The following DPP6 variants were observed in gnomAD, a reference collection of about 807,000 sequenced individuals.
DPP6 encodes A-type potassium channel modulatory protein DPP6.
In DPP6, 69 loss-of-function variants were observed where a neutral mutation model predicts 122.6. The ratio of observed to expected loss-of-function variants is 0.56; its 90% confidence interval spans 0.46 to 0.69. The LOEUF is 0.69. Ranked by LOEUF, DPP6 falls within the 30% of genes least tolerant of loss-of-function variation. The pLI, the probability that DPP6 is intolerant of heterozygous loss-of-function variation, is 0.00. For missense variants in DPP6, 928 were observed against 1,116.9 expected, an observed-to-expected ratio of 0.83 and a Z score of 2.41; for synonymous variants, 418 against 433.1, an observed-to-expected ratio of 0.97 and a Z score of 0.43.
At chr7:154,595,018 T>C (rs768440916) in intron 5 of DPP6, among the ~76,000 whole-genome samples, 6 of 151,986 alleles carry the variant, frequency 3.9e-5, no homozygotes, top group Admixed American at 2.6e-4. Context: ...CATTGATTTT[T>C]TTTTTGGCAT....
In DPP6 at chr7:154,184,178, T is replaced by C. The variant is rs1422483000; in HGVS notation, c.243+131115T>C. On this transcript the variant is annotated intron_variant, in intron 1 of 25. Coordinates refer to ENST00000377770, the MANE Select transcript of DPP6 (RefSeq NM_130797.4). ...GACCCTCAGCATCAGGCAATGATTT[T>C]GAGTTGAGATAATGGTTAGTGTCTG... Among the ~76,000 whole-genome samples, 6 of 151,344 alleles carry C rather than the reference T, an allele frequency of 4.0e-5. No homozygotes were observed. The East Asian group carries it at 1.2e-3, about 29-fold the overall frequency.
chr7:153,938,673 T>C (rs1801567311), intron 1 of DPP6, among the ~76,000 whole-genome samples: 1 of 152,230 alleles, frequency 6.6e-6, no homozygotes, highest in African/African-American at 2.4e-5. Flanking sequence ...CTGACTTCTC[T>C]CACACGGCCT....
intron 10 of DPP6, among the ~76,000 whole-genome samples, chr7:154,777,209 C>G (rs1028714128): frequency 1.3e-5 from 2 of 152,164 alleles, no homozygotes; most frequent in African/African-American, 4.8e-5. Context: ...GAGGCCTGGA[C>G]AGCTTGTAGC....
At chr7:153,819,529 G>T in the DPP6 span, among the ~76,000 whole-genome samples, 3 of 152,178 alleles carry the variant, frequency 2.0e-5, no homozygotes, top group East Asian at 5.8e-4. Flanking sequence ...AGTTTGCATG[G>T]CACACACATC....
chr7:154,031,857 T>G (rs796676361), intron 1 of DPP6, among the ~76,000 whole-genome samples: 4 of 137,770 alleles, frequency 2.9e-5, no homozygotes, highest in South Asian at 4.5e-4. Context: ...TTTTCCTTTT[T>G]TTTGTTTTTT....
At chr7:154,279,665 G>T (rs890502061) in intron 1 of DPP6, among the ~76,000 whole-genome samples, 4 of 152,210 alleles carry the variant, frequency 2.6e-5, no homozygotes, top group African/African-American at 7.2e-5. Flanking sequence ...GTTGGAAAAG[G>T]GTGTTGATGT....
intron 1 of DPP6, chr7:154,095,369 G>A (rs1029186315): frequency 4.9e-5 from 7 of 141,758 alleles, no homozygotes; most frequent in African/African-American, 9.9e-5. Context: ...CTGTGACAAC[G>A]TCTCCACAGG....
rs1585676109 is a variant in DPP6, at chr7:154,225,747, C to CGA, written c.243+172684_243+172685insGA. On this transcript the variant is annotated intron_variant, in intron 1 of 25. Transcript: ENST00000377770. ...AGAACAGAGACATTTACTAACTTTT[C>CGA]TAAAGTTACTGGAGGCAGGATGTAA... Among the ~76,000 whole-genome samples the CGA allele has an allele frequency of 4.6e-5, 7 of 152,242 alleles. No homozygotes were observed. The East Asian group carries it at 1.4e-3, about 29-fold the overall frequency.
In DPP6 at chr7:154,716,590, G is replaced by A. The variant is rs187949160; in HGVS notation, c.763-11177G>A. ...TGCTCCTGGATGTGGGACAGCAGGT[G>A]CATGCCTGATCAAATGTGGTATCTT... On this transcript the variant is annotated intron_variant, in intron 7 of 25. Transcript: ENST00000377770. Among the ~76,000 whole-genome samples, 5 of 152,204 alleles carry A rather than the reference G, an allele frequency of 3.3e-5. No homozygotes were observed. In the East Asian group the frequency reaches 7.7e-4, roughly 23 times the overall value.
chr7:153,754,515 T>C, the DPP6 span, among the ~76,000 whole-genome samples: 1 of 152,304 alleles, frequency 6.6e-6, no homozygotes, highest in East Asian at 1.9e-4. Flanking sequence ...ACTATGTGCC[T>C]AGGCATGATT....
intron 3 of DPP6, among the ~76,000 whole-genome samples, chr7:154,508,304 C>A (rs545625035): frequency 4.6e-5 from 7 of 152,104 alleles, no homozygotes; most frequent in African/African-American, 1.7e-4. Flanking sequence ...TTCTTTCTCA[C>A]GTTGCAATTA....
intron 1 of DPP6, among the ~76,000 whole-genome samples, chr7:154,002,032 A>G (rs930846550): frequency 1.9e-4 from 29 of 152,158 alleles, no homozygotes; most frequent in African/African-American, 7.0e-4. Context: ...ATTGTTTCAC[A>G]GGTGTGTGTT....
At chr7:154,844,674 G>A (rs369867478) in intron 16 of DPP6, among the ~76,000 whole-genome samples, 1 of 152,190 alleles carries the variant, frequency 6.6e-6, no homozygotes, top group East Asian at 1.9e-4. Flanking sequence ...AACCGGATGC[G>A]AAGGCGGCCT....
intron 1 of DPP6, among the ~76,000 whole-genome samples, chr7:153,981,819 T>C (rs1796604531): frequency 6.6e-6 from 1 of 152,126 alleles, no homozygotes; most frequent in Non-Finnish European, 1.5e-5. Flanking sequence ...TTTGGCAGGA[T>C]ATGAAATTCT....
chr7:153,907,771 C>T (rs1169349215), intron 1 of DPP6, among the ~76,000 whole-genome samples: 1 of 152,144 alleles, frequency 6.6e-6, no homozygotes, highest in Non-Finnish European at 1.5e-5. Flanking sequence ...CTGGTCTGTC[C>T]ACATTTTGGA....
intron 5 of DPP6, among the ~76,000 whole-genome samples, chr7:154,607,200 C>T (rs1372478871): frequency 8.3e-6 from 1 of 119,962 alleles, no homozygotes; most frequent in Non-Finnish European, 1.9e-5. Flanking sequence ...AACTATGGGA[C>T]ACATATGAAG....
At chr7:154,007,717 C>T (rs1797973240) in intron 1 of DPP6, among the ~76,000 whole-genome samples, 2 of 152,084 alleles carry the variant, frequency 1.3e-5, no homozygotes, top group Non-Finnish European at 2.9e-5. Context: ...TGTCAGAGGG[C>T]CATCTTTTTG....
chr7:154,305,613 T>G, intron 1 of DPP6: 1 of 1,547,588 alleles, frequency 6.5e-7, no homozygotes, highest in South Asian at 1.2e-5. Context: ...CGTGCATATG[T>G]GTGTGCATGA....
intron 7 of DPP6, among the ~76,000 whole-genome samples, chr7:154,686,415 A>ATTTT (rs55835037): frequency 0.024 from 3,491 of 148,056 alleles, 55 homozygotes; most frequent in Non-Finnish European, 0.036. Context: ...CACCATAAGG[A>ATTTT]TTTTTTTTTT....
Sources: gnomAD v4.1 joint callset for allele counts (sites outside exome capture counted in the v4.1 genomes callset) on GRCh38, gnomAD v4.1.1 for gene constraint, MANE v1.5 for transcripts, NCBI Gene and HGNC (gene_info 2026-07-23, HGNC 2026-07-21) for gene names.